Variants in EBF1 observed in about 807,000 individuals in gnomAD.
EBF1 encodes transcription factor COE1.
EBF1 carries 10 observed loss-of-function variants against 68.4 expected under a neutral mutation model. The observed-to-expected ratio is 0.15, with a 90% confidence interval of 0.09 to 0.25. EBF1 has a LOEUF of 0.25. Among genes scored for constraint, EBF1 ranks in the 10% least tolerant of loss-of-function variants. The probability of loss-of-function intolerance (pLI) is 1.00; values close to 1 mark genes in which losing one functional copy is unlikely to be tolerated. For missense variants in EBF1, 509 were observed against 794.4 expected (o/e 0.64, Z 4.32); for synonymous variants, 298 against 299.8 (o/e 0.99, Z 0.06).
At chr5:159,096,469 G>C in intron 2 of EBF1, 63 bp from the exon 3 acceptor site, 1 of 1,570,894 alleles carries the variant, frequency 6.4e-7, no homozygotes, top group Non-Finnish European at 8.7e-7. Context: ...TGAGCGAGTG[G>C]ACCAACTTTC....
intron 9 of EBF1, among the ~76,000 whole-genome samples, chr5:158,780,949 T>C (rs4704960): frequency 0.058 from 8,818 of 152,280 alleles, 350 homozygotes; most frequent in Non-Finnish European, 0.078. Flanking sequence ...ATTCTTTGAC[T>C]TAACTTCCTT....
At chr5:159,042,120 G>A (rs1478500778) in intron 6 of EBF1, among the ~76,000 whole-genome samples, 8 of 152,106 alleles carry the variant, frequency 5.3e-5, no homozygotes, top group Admixed American at 5.2e-4. Flanking sequence ...GCTTGCTGTC[G>A]GCGCCAACCC....
At chr5:158,999,541 T>C (rs1192198749) in intron 6 of EBF1, among the ~76,000 whole-genome samples, 1 of 152,210 alleles carries the variant, frequency 6.6e-6, no homozygotes, top group Non-Finnish European at 1.5e-5. Flanking sequence ...ATGCTGTAAC[T>C]ATACACAAAT....
chr5:158,905,115 T>G (rs1804294883), intron 6 of EBF1, among the ~76,000 whole-genome samples: 1 of 152,202 alleles, frequency 6.6e-6, no homozygotes, highest in African/African-American at 2.4e-5. Flanking sequence ...AAACTTTAAC[T>G]GGAATAAGCT....
intron 8 of EBF1, among the ~76,000 whole-genome samples, chr5:158,804,530 G>C (rs893562288): frequency 2.6e-5 from 4 of 152,072 alleles, no homozygotes; most frequent in African/African-American, 9.7e-5. Context: ...ACTGTGTGCA[G>C]GTTCATTACA....
intron 10 of EBF1, among the ~76,000 whole-genome samples, chr5:158,733,806 G>A (rs1004556263): frequency 6.6e-6 from 1 of 152,142 alleles, no homozygotes; most frequent in Non-Finnish European, 1.5e-5. Flanking sequence ...TGCAGACAAA[G>A]CTAACATTAA....
chr5:158,819,442 C>A (rs1784391364), intron 8 of EBF1, among the ~76,000 whole-genome samples: 1 of 152,176 alleles, frequency 6.6e-6, no homozygotes, highest in African/African-American at 2.4e-5. Context: ...CCGCATTTTG[C>A]CACAGGGGGA....
intron 6 of EBF1, among the ~76,000 whole-genome samples, chr5:159,040,845 G>C (rs145792140): frequency 1.3e-5 from 2 of 152,278 alleles, no homozygotes; most frequent in East Asian, 3.9e-4. Context: ...TCTCCTGCTG[G>C]TAAGCACATA....
In EBF1 at chr5:158,697,128, C is replaced by A. The variant is rs1348817978; in HGVS notation, c.*1983G>T. On this transcript the variant is annotated 3_prime_UTR_variant, in exon 16 of 16. Coordinates refer to ENST00000313708, the MANE Select transcript of EBF1 (RefSeq NM_024007.5). ...AAGTTTCTCCCTAGAATTTAATGCA[C>A]AAAATGCGTCACTCCAAAGGGAGAG... 1 of 192,650 alleles carries A rather than the reference C, an allele frequency of 5.2e-6. No individual in the cohort carries two copies. The highest frequency in any genetic ancestry group is 1.1e-5 in the Non-Finnish European group (1 of 92,280). 11.9% of individuals were successfully genotyped at this position (192,650 alleles called of 1,614,324 possible). A position where few individuals can be genotyped will look rare whatever the true frequency, so the allele number is the denominator to read the frequency against.
chr5:158,865,518 G>C (rs1432110095), intron 6 of EBF1, among the ~76,000 whole-genome samples: 1 of 152,186 alleles, frequency 6.6e-6, no homozygotes, highest in African/African-American at 2.4e-5. Flanking sequence ...GTAAGGTTAA[G>C]CTAGTACAAA....
chr5:158,755,872 G>A (rs1769959710), intron 10 of EBF1, among the ~76,000 whole-genome samples: 1 of 152,106 alleles, frequency 6.6e-6, no homozygotes. Context: ...ACATAGTTTG[G>A]TGAAAGATCA....
chr5:158,929,261 T>G (rs1308758258), intron 6 of EBF1, among the ~76,000 whole-genome samples: 1 of 152,180 alleles, frequency 6.6e-6, no homozygotes, highest in East Asian at 1.9e-4. Context: ...TCTCTACTAG[T>G]AGAGTATGTA....
At chr5:158,964,632 C>A (rs1753733722) in intron 6 of EBF1, among the ~76,000 whole-genome samples, 1 of 152,026 alleles carries the variant, frequency 6.6e-6, no homozygotes, top group Non-Finnish European at 1.5e-5. Context: ...TAAGGCTTCC[C>A]CAATCCCAGA....
chr5:159,087,288 A>G (rs1780825032), intron 4 of EBF1, among the ~76,000 whole-genome samples: 1 of 145,252 alleles, frequency 6.9e-6, no homozygotes, highest in Non-Finnish European at 1.5e-5. Context: ...ATATATATAT[A>G]TACACATATA....
chr5:158,777,838 T>C (rs781283764), intron 9 of EBF1, among the ~76,000 whole-genome samples: 14 of 152,126 alleles, frequency 9.2e-5, no homozygotes, highest in Non-Finnish European at 1.9e-4. Context: ...TTGGAAAATC[T>C]CTGAAGCAGA....
chr5:158,999,692 G>A (rs541164146), intron 6 of EBF1, among the ~76,000 whole-genome samples: 11 of 152,268 alleles, frequency 7.2e-5, no homozygotes, highest in East Asian at 1.9e-4. Context: ...CCACTGATCC[G>A]TAGTGTATTT....
chr5:158,869,539 T>A (rs760902824), intron 6 of EBF1, among the ~76,000 whole-genome samples: 10 of 151,702 alleles, frequency 6.6e-5, no homozygotes, highest in Admixed American at 1.3e-4. Flanking sequence ...ATATTAGTAG[T>A]GTTCTCTTTT....
chr5:158,832,833 T>G (rs927118094), intron 7 of EBF1, among the ~76,000 whole-genome samples: 1 of 152,196 alleles, frequency 6.6e-6, no homozygotes, highest in African/African-American at 2.4e-5. Context: ...CCTTTTAATG[T>G]CATAACTCAT....
In EBF1 at chr5:158,801,457, T is replaced by C. The variant is rs372772900; in HGVS notation, c.779-4982A>G. Among the ~76,000 whole-genome samples the C allele has an allele frequency of 1.8e-4, 27 of 151,816 alleles. No homozygotes were observed. In the East Asian group the frequency reaches 4.1e-3, roughly 23 times the overall value. On this transcript the variant is annotated intron_variant, in intron 8 of 15. Coordinates refer to ENST00000313708, the MANE Select transcript of EBF1 (RefSeq NM_024007.5). ...ACACATTTTAGCGTTTGTATGAGAG[T>C]TGATCAAAGGCCACGTGCTGGGGGA... is the stretch of plus-strand genomic sequence containing the variant.
Sources: allele counts gnomAD v4.1 joint callset (sites outside exome capture counted in the v4.1 genomes callset), GRCh38; gene constraint gnomAD v4.1.1; transcripts MANE v1.5; gene names NCBI Gene and HGNC (gene_info 2026-07-23, HGNC 2026-07-21).